The following SLC4A4 variants were observed in gnomAD, a reference collection of about 807,000 sequenced individuals.
SLC4A4 encodes the protein electrogenic sodium bicarbonate cotransporter 1.
Under a neutral mutation model 111.5 loss-of-function variants are expected in SLC4A4, and 27 were observed. That is an observed-to-expected ratio of 0.24 (90% CI 0.18 to 0.33). The LOEUF is 0.33. Ranked by LOEUF, SLC4A4 falls within the 10% of genes least tolerant of loss-of-function variation. The pLI is 1.00. For missense variants in SLC4A4, 909 were observed against 1,315.5 expected (o/e 0.69, Z 4.78); for synonymous variants, 443 against 463.4 (o/e 0.96, Z 0.57).
chr4:71,284,046 A>G (rs1217333162), intron 3 of SLC4A4, among the ~76,000 whole-genome samples: 3 of 152,214 alleles, frequency 2.0e-5, no homozygotes, highest in Non-Finnish European at 4.4e-5. Context: ...CCACGGTGAT[A>G]AGGGTAGTAA....
chr4:71,429,520 G>C (rs1343612479), intron 7 of SLC4A4, among the ~76,000 whole-genome samples: 1 of 152,134 alleles, frequency 6.6e-6, no homozygotes, highest in Non-Finnish European at 1.5e-5. Flanking sequence ...ATACAGGCTA[G>C]TGTAAAAGGA....
chr4:71,387,979 C>A (rs1718913179), intron 6 of SLC4A4, among the ~76,000 whole-genome samples: 1 of 152,090 alleles, frequency 6.6e-6, no homozygotes, highest in African/African-American at 2.4e-5. Flanking sequence ...TACTGAAGAT[C>A]CTCTTTACCT....
At chr4:71,161,402 G>A (rs1424040984) in intron 2 of SLC4A4, among the ~76,000 whole-genome samples, 2 of 152,172 alleles carry the variant, frequency 1.3e-5, no homozygotes, top group African/African-American at 4.8e-5. Context: ...GACAGGGAAT[G>A]TGGAGACAAG....
chr4:71,567,214 A>AAACTT, intron 25 of SLC4A4, 131 bp downstream of exon 25: 2 of 739,368 alleles, frequency 2.7e-6, no homozygotes, highest in African/African-American at 3.7e-5. Flanking sequence ...TAAATTACCC[A>AAACTT]GTGACCAAAA....
chr4:71,158,137 G>C (rs1399602172), intron 2 of SLC4A4, among the ~76,000 whole-genome samples: 11 of 145,160 alleles, frequency 7.6e-5, no homozygotes, highest in Admixed American at 1.4e-4. Context: ...GTGTGTGTGT[G>C]TGTGTCTCTC....
At chr4:71,318,712 T>C (rs1053492985) in intron 3 of SLC4A4, among the ~76,000 whole-genome samples, 1 of 152,006 alleles carries the variant, frequency 6.6e-6, no homozygotes. Context: ...CAGCTTTTCT[T>C]TGAGTATACA....
chr4:71,226,288 G>T (rs1337343277), intron 1 of SLC4A4, among the ~76,000 whole-genome samples: 1 of 152,142 alleles, frequency 6.6e-6, no homozygotes, highest in Non-Finnish European at 1.5e-5. Context: ...GGGACTTTAG[G>T]CATATGCCAC....
intron 16 of SLC4A4, among the ~76,000 whole-genome samples, chr4:71,530,351 G>A (rs1733811783): frequency 6.6e-6 from 1 of 152,084 alleles, no homozygotes; most frequent in South Asian, 2.1e-4. Context: ...ACAAACCAAT[G>A]AAGTTGTAGG....
chr4:71,513,494 C>A (rs1423931981), intron 16 of SLC4A4, among the ~76,000 whole-genome samples: 1 of 151,978 alleles, frequency 6.6e-6, no homozygotes, highest in African/African-American at 2.4e-5. Flanking sequence ...TGCAACTGTA[C>A]TAATTTTTTT....
chr4:71,466,966 G>GAGAGAGAGAGA (rs369970583), intron 13 of SLC4A4, among the ~76,000 whole-genome samples: 1,073 of 88,286 alleles, frequency 0.012, 107 homozygotes, highest in East Asian at 0.021. Flanking sequence ...AGAGAGAGAG[G>GAGAGAGAGAGA]GAGAGAGAGA....
chr4:71,437,028 G>C, intron 7 of SLC4A4: 1 of 369,310 alleles, frequency 2.7e-6, no homozygotes, highest in South Asian at 2.1e-5. Flanking sequence ...ATAGGCCAAT[G>C]GTCCAATTAG....
chr4:71,416,736 T>C (rs1476613828), intron 7 of SLC4A4, among the ~76,000 whole-genome samples: 1 of 152,112 alleles, frequency 6.6e-6, no homozygotes, highest in Non-Finnish European at 1.5e-5. Context: ...GAATTATTAT[T>C]GAAGCTCTTT....
At chr4:71,328,681 A>G (rs921494434) in intron 3 of SLC4A4, among the ~76,000 whole-genome samples, 1 of 151,818 alleles carries the variant, frequency 6.6e-6, no homozygotes, top group African/African-American at 2.4e-5. Flanking sequence ...GATTTTTCCT[A>G]TTGAGTTGTT....
intron 2 of SLC4A4, among the ~76,000 whole-genome samples, chr4:71,138,758 C>T (rs184202717): frequency 3.1e-4 from 47 of 152,232 alleles, no homozygotes; most frequent in South Asian, 6.2e-4. Context: ...GTAAGTTGGC[C>T]GGGCGCGGTG....
intron 7 of SLC4A4, among the ~76,000 whole-genome samples, chr4:71,399,365 G>A (rs947626245): frequency 1.3e-5 from 2 of 151,904 alleles, no homozygotes; most frequent in African/African-American, 4.8e-5. Flanking sequence ...TAGTCATAGA[G>A]GTTTATAGGC....
intron 3 of SLC4A4, among the ~76,000 whole-genome samples, chr4:71,305,995 G>A (rs1190429870): frequency 1.3e-5 from 2 of 152,226 alleles, no homozygotes; most frequent in African/African-American, 4.8e-5. Context: ...TGAGTGCAGT[G>A]TCCAACACAT....
At chr4:71,069,835 G>A (rs113629732) in intron 1 of SLC4A4, among the ~76,000 whole-genome samples, 8 of 152,020 alleles carry the variant, frequency 5.3e-5, no homozygotes, top group Non-Finnish European at 1.0e-4. Flanking sequence ...GTTTCTGAAC[G>A]CTTCTCTTTT....
At chr4:71,381,192 A>T (rs1406690935) in intron 6 of SLC4A4, among the ~76,000 whole-genome samples, 1 of 152,186 alleles carries the variant, frequency 6.6e-6, no homozygotes, top group Non-Finnish European at 1.5e-5. Flanking sequence ...GAACAGGATC[A>T]ATTCAACTAT....
chr4:71,135,731 C>A (rs1743827347), intron 2 of SLC4A4, among the ~76,000 whole-genome samples: 1 of 152,128 alleles, frequency 6.6e-6, no homozygotes, highest in Non-Finnish European at 1.5e-5. Flanking sequence ...ATAATCCAAT[C>A]CCCACCACCC....
Sources: allele counts gnomAD v4.1 joint callset (sites outside exome capture counted in the v4.1 genomes callset), GRCh38; gene constraint gnomAD v4.1.1; transcripts MANE v1.5; gene names NCBI Gene and HGNC (gene_info 2026-07-23, HGNC 2026-07-21).